The following HPCAL1 variants were observed in gnomAD, a reference collection of about 807,000 sequenced individuals.
HPCAL1 encodes the protein hippocalcin-like protein 1.
In HPCAL1, 8 loss-of-function variants were observed where a neutral mutation model predicts 17.1. The ratio of observed to expected loss-of-function variants is 0.47; its 90% CI spans 0.27 to 0.84. The LOEUF is 0.84. Among genes scored for constraint, HPCAL1 ranks in the 40% least tolerant of loss-of-function variants. HPCAL1 has a pLI of 0.13. For missense variants in HPCAL1, 165 were observed against 271.1 expected (o/e 0.61, Z 2.75); for synonymous variants, 112 against 111.4 (o/e 1.01, Z -0.03).
chr2:10,366,494 C>T (rs1666865526), intron 1 of HPCAL1, among the ~76,000 whole-genome samples: 1 of 152,174 alleles, frequency 6.6e-6, no homozygotes, highest in Admixed American at 6.5e-5. Flanking sequence ...CCTTGGCCTC[C>T]CAAAGTGCTG....
At chr2:10,385,455 G>T (rs1221361397) in intron 1 of HPCAL1, among the ~76,000 whole-genome samples, 1 of 152,130 alleles carries the variant, frequency 6.6e-6, no homozygotes, top group Non-Finnish European at 1.5e-5. Context: ...TGGCAGGGAG[G>T]CTTGGTGATC....
chr2:10,382,501 A>C (rs1668018173), intron 1 of HPCAL1, among the ~76,000 whole-genome samples: 1 of 149,238 alleles, frequency 6.7e-6, no homozygotes. Context: ...CCACCCTGGT[A>C]GTAGGGAGGG....
At chr2:10,305,424 G>T (rs1279121809) in intron 1 of HPCAL1, among the ~76,000 whole-genome samples, 1 of 152,150 alleles carries the variant, frequency 6.6e-6, no homozygotes, top group African/African-American at 2.4e-5. Context: ...GGTTTTATTG[G>T]ATAATGTGGC....
rs947095994 is a variant in HPCAL1, at chr2:10,343,297, C to A, written c.-111+40120C>A. Among the ~76,000 whole-genome samples the A allele has an allele frequency of 1.3e-5, 2 of 152,238 alleles. No homozygotes were observed. The highest frequency in any genetic ancestry group is 2.4e-5 in the African/African-American group (1 of 41,454). On this transcript the variant is annotated intron_variant, in intron 1 of 4. Coordinates refer to ENST00000307845, the MANE Select transcript of HPCAL1 (RefSeq NM_002149.4). The surrounding 1 kb of genome is among the most constrained non-coding windows in gnomAD (Gnocchi z 4.8). Reference sequence around the variant, plus strand: ...AAATTACTTATCTCCTCTTCCCCTGCCACTCTGCTGAGAAGGCTGATCTCA... The same window carrying A: ...AAATTACTTATCTCCTCTTCCCCTGACACTCTGCTGAGAAGGCTGATCTCA...
rs904777440 is a variant in HPCAL1, at chr2:10,426,887, A to G, written c.*66A>G. On this transcript the variant is annotated 3_prime_UTR_variant, in exon 5 of 5. Transcript: ENST00000307845. The stretch of plus-strand genomic sequence containing the variant: ...TCGTGCCGTTTAAGCTTTGCTTGCA[A>G]GAGTGGATGCCCCGCAATCGTTCCT... 2 of 1,414,814 alleles carry G rather than the reference A, an allele frequency of 1.4e-6. No homozygotes were observed. Among genetic ancestry groups the G allele is most frequent in the Non-Finnish European group, 2.0e-6 (2 of 1,002,254 alleles). 87.6% of individuals were successfully genotyped at this position (1,414,814 alleles called of 1,614,324 possible).
chr2:10,394,477 G>A lies in HPCAL1; in HGVS notation c.-110-2358G>A, dbSNP rs1015222642. Among the ~76,000 whole-genome samples, 8 of 152,352 alleles carry A rather than the reference G, an allele frequency of 5.3e-5. No homozygotes were observed. Among genetic ancestry groups the A allele is most frequent in the South Asian group, 4.1e-4 (2 of 4,834 alleles). ...CTGAGATCATCGATTTGAAAACGCC[G>A]TGAGAAAATATGGGGCAAGGCAGAG... On this transcript the variant is annotated intron_variant, in intron 1 of 4. Coordinates refer to ENST00000307845, the MANE Select transcript of HPCAL1 (RefSeq NM_002149.4). This position sits in a 1 kb window ranked among gnomAD's most constrained non-coding sequence, Gnocchi z 5.0.
rs55733172 is a variant in HPCAL1 at position 10,331,796 on chromosome 2, C to T, written c.-111+28619C>T. ...AACTGCTTGGTGACATTGGCCAATC[C>T]TGTGGTGGCCCCAGCTGGGCTTGCT... On this transcript the variant is annotated intron_variant, in intron 1 of 4. Coordinates refer to ENST00000307845, the MANE Select transcript of HPCAL1 (RefSeq NM_002149.4). The surrounding 1 kb of genome is among the most constrained non-coding windows in gnomAD (Gnocchi z 5.0). Among the ~76,000 whole-genome samples, 2 of 152,162 alleles carry T rather than the reference C, an allele frequency of 1.3e-5. No individual in the cohort carries two copies. Among genetic ancestry groups the T allele is most frequent in the African/African-American group, 4.8e-5 (2 of 41,438 alleles).
rs1400876691 is a variant in HPCAL1 at position 10,323,148 on chromosome 2, A to G, written c.-111+19971A>G. Reference sequence around the variant, plus strand: ...CGCTTCATGGCATGTTTCCAGCACAACTCTCTGACCTGGCTCCCCCGGTTC... The same window carrying G: ...CGCTTCATGGCATGTTTCCAGCACAGCTCTCTGACCTGGCTCCCCCGGTTC... On this transcript the variant is annotated intron_variant, in intron 1 of 4. Transcript: ENST00000307845. This position sits in a 1 kb window ranked among gnomAD's most constrained non-coding sequence, Gnocchi z 4.6. Among the ~76,000 whole-genome samples the G allele has an allele frequency of 6.6e-6, 1 of 151,692 alleles. No individual in the cohort carries two copies. Among genetic ancestry groups the G allele is most frequent in the East Asian group, 1.9e-4 (1 of 5,150 alleles).
intron 1 of HPCAL1, among the ~76,000 whole-genome samples, chr2:10,360,028 G>T (rs925126386): frequency 6.6e-6 from 1 of 152,172 alleles, no homozygotes; most frequent in South Asian, 2.1e-4. Flanking sequence ...GTGGGGTGTC[G>T]GGACCCAGCA....
rs1350205628 is a variant in HPCAL1, at chr2:10,330,077, C to T, written c.-111+26900C>T. ...CACTTCCTGTTATTTAAATCTTGGT[C>T]CTTTGATTTTTTTTTTTTTTCCTTT... On this transcript the variant is annotated intron_variant, in intron 1 of 4. Transcript: ENST00000307845. This position sits in a 1 kb window ranked among gnomAD's most constrained non-coding sequence, Gnocchi z 4.2. 1 of 144,214 alleles carries T rather than the reference C, an allele frequency of 6.9e-6. No individual in the cohort carries two copies. The highest frequency in any genetic ancestry group is 2.8e-5 in the African/African-American group (1 of 35,312). 8.9% of individuals were successfully genotyped at this position (144,214 alleles called of 1,614,324 possible). A position where few individuals can be genotyped will look rare whatever the true frequency, so the allele number is the denominator to read the frequency against.
At position 10,373,138 on chromosome 2, in the gene HPCAL1, C is replaced by T. The variant is rs551184867; in HGVS notation, c.-110-23697C>T. Reference sequence around the variant, plus strand: ...AGCCGGGGCCGGGGTTTTCCTGGAGCAGCAGGAGGGATGAGTTGGGTTTCT... The same window carrying T: ...AGCCGGGGCCGGGGTTTTCCTGGAGTAGCAGGAGGGATGAGTTGGGTTTCT... On this transcript the variant is annotated intron_variant, in intron 1 of 4. Transcript: ENST00000307845. Among the ~76,000 whole-genome samples, 240 of 152,336 alleles carry T rather than the reference C, an allele frequency of 1.6e-3. 1 individual carries two copies. Among genetic ancestry groups the T allele is most frequent in the African/African-American group, 5.6e-3 (231 of 41,572 alleles).
In HPCAL1 at chr2:10,344,312, G is replaced by A. The variant is rs1665273705; in HGVS notation, c.-111+41135G>A. ...GAGCCAAGGATTAATTACGTAACAA[G>A]CCCAGATCCCATCCCTGCCTGAGCA... On this transcript the variant is annotated intron_variant, in intron 1 of 4. Coordinates refer to ENST00000307845, the MANE Select transcript of HPCAL1 (RefSeq NM_002149.4). This position sits in a 1 kb window ranked among gnomAD's most constrained non-coding sequence, Gnocchi z 4.9. 6.6e-6 allele frequency among the ~76,000 whole-genome samples: 1 copy of A among 152,280 alleles called. No homozygotes were observed. The highest frequency in any genetic ancestry group is 1.9e-4 in the East Asian group (1 of 5,180).
chr2:10,413,961 G>A (rs1222811093), intron 2 of HPCAL1, among the ~76,000 whole-genome samples: 1 of 152,242 alleles, frequency 6.6e-6, no homozygotes, highest in Non-Finnish European at 1.5e-5. Flanking sequence ...AGCCAACAAT[G>A]TGTCCATCAC....
At chr2:10,356,515 C>G (rs1395416139) in intron 1 of HPCAL1, among the ~76,000 whole-genome samples, 2 of 151,972 alleles carry the variant, frequency 1.3e-5, no homozygotes, top group Non-Finnish European at 2.9e-5. Flanking sequence ...GCAGCCACTC[C>G]CTGAGGTGGC....
chr2:10,412,294 G>A (rs1339687100), intron 2 of HPCAL1, among the ~76,000 whole-genome samples: 1 of 152,224 alleles, frequency 6.6e-6, no homozygotes, highest in African/African-American at 2.4e-5. Context: ...TGCATACCTG[G>A]AATGAAACCA....
rs1490010618 is a variant in HPCAL1, at chr2:10,363,397, C to A, written c.-110-33438C>A. Among the ~76,000 whole-genome samples, 1 of 152,208 alleles carries A rather than the reference C, an allele frequency of 6.6e-6. No individual in the cohort carries two copies. On this transcript the variant is annotated intron_variant, in intron 1 of 4. Coordinates refer to ENST00000307845, the MANE Select transcript of HPCAL1 (RefSeq NM_002149.4). This position sits in a 1 kb window ranked among gnomAD's most constrained non-coding sequence, Gnocchi z 4.7. ...TTACCGTCCAGCACCCCCATTTCTG[C>A]TGCTCTGATAACTTGGATCGACTGA...
chr2:10,389,030 G>T (rs1399260113), intron 1 of HPCAL1, among the ~76,000 whole-genome samples: 1 of 152,152 alleles, frequency 6.6e-6, no homozygotes, highest in African/African-American at 2.4e-5. Flanking sequence ...GACTCCAGAG[G>T]CAGGACTCAG....
At position 10,331,212 on chromosome 2, in the gene HPCAL1, C is replaced by T. The variant is rs1217466531; in HGVS notation, c.-111+28035C>T. 6.6e-6 allele frequency among the ~76,000 whole-genome samples: 1 copy of T among 152,114 alleles called. No individual in the cohort carries two copies. Among genetic ancestry groups the T allele is most frequent in the East Asian group, 1.9e-4 (1 of 5,168 alleles). On this transcript the variant is annotated intron_variant, in intron 1 of 4. Transcript: ENST00000307845. This position sits in a 1 kb window ranked among gnomAD's most constrained non-coding sequence, Gnocchi z 5.0. ...ACAGCCTGGACTCTCCTGCCTGCCC[C>T]CAGGTGCCCCCGGCCCAGCCACAGG... is the stretch of plus-strand genomic sequence containing the variant.
chr2:10,315,256 G>C, intron 1 of HPCAL1, among the ~76,000 whole-genome samples: 1 of 150,234 alleles, frequency 6.7e-6, no homozygotes. Context: ...TCGCGCCACT[G>C]CACTCCAGCC....
Sources: gnomAD v4.1 joint callset for allele counts (sites outside exome capture counted in the v4.1 genomes callset) on GRCh38, gnomAD v4.1.1 for gene constraint, Gnocchi (gnomAD v3.1) non-coding constraint, MANE v1.5 for transcripts, NCBI Gene and HGNC (gene_info 2026-07-23, HGNC 2026-07-21) for gene names.